The following WASHC3 variants were observed in gnomAD, a reference collection of about 807,000 sequenced individuals.
The protein encoded by WASHC3 is WASH complex subunit CCDC53.
A neutral mutation model predicts 26.1 loss-of-function variants in WASHC3; 24 were observed. That is an observed-to-expected ratio of 0.92 (90% confidence interval 0.66 to 1.29). WASHC3 has a LOEUF of 1.29. Among genes scored for constraint, WASHC3 ranks in the 50% most tolerant of loss-of-function variants. The pLI is 0.00. For synonymous variants in WASHC3, 77 were observed against 75.7 expected, an observed-to-expected ratio of 1.02 and a Z score of -0.09; for missense variants, 214 against 229.6, an observed-to-expected ratio of 0.93 and a Z score of 0.44.
At chr12:102,050,849 T>C (rs554007747) in intron 2 of WASHC3, among the ~76,000 whole-genome samples, 8 of 152,182 alleles carry the variant, frequency 5.3e-5, no homozygotes, top group Non-Finnish European at 1.2e-4. Context: ...GACCATAAGA[T>C]TTTGCTGACT....
At chr12:102,015,345 T>C (rs1045710288) in intron 6 of WASHC3, among the ~76,000 whole-genome samples, 1 of 152,152 alleles carries the variant, frequency 6.6e-6, no homozygotes, top group African/African-American at 2.4e-5. Context: ...ACTGAAACTA[T>C]AAAATTCATT....
chr12:102,021,637 C>A (rs1876962770), intron 6 of WASHC3, among the ~76,000 whole-genome samples: 1 of 152,178 alleles, frequency 6.6e-6, no homozygotes, highest in South Asian at 2.1e-4. Flanking sequence ...GAACCTAGCT[C>A]AGCAAAAACT....
At chr12:102,057,486 G>A (rs73184002) in intron 2 of WASHC3, among the ~76,000 whole-genome samples, 26 of 152,136 alleles carry the variant, frequency 1.7e-4, no homozygotes, top group South Asian at 6.2e-4. Flanking sequence ...GTTTCTGTTC[G>A]CAGATGGCAT....
chr12:102,046,083 C>A lies in WASHC3; in HGVS notation c.187G>T (p.Glu63Ter), dbSNP rs1206810172. 1 of 1,597,024 alleles carries A rather than the reference C, an allele frequency of 6.3e-7. No individual in the cohort carries two copies. The highest frequency in any genetic ancestry group is 1.1e-5 in the South Asian group (1 of 88,566). Residue 63 changes from glutamate (E) to a stop codon, truncating the protein, a stop_gained, in exon 3 of 7, where the codon GAA becomes TAA. Transcript: ENST00000240079. LOFTEE classifies it high-confidence loss of function. ...ADLSLRIQQI[E>*]TTLNILDAKL... ...GCATCTAAAATATTGAGAGTTGTTTCAATTTGTTGGATACGAAGTGAAAGG... is the reference window on the plus strand; with the variant it reads ...GCATCTAAAATATTGAGAGTTGTTTAAATTTGTTGGATACGAAGTGAAAGG...
At chr12:102,025,098 C>T (rs1877119198) in intron 6 of WASHC3, among the ~76,000 whole-genome samples, 2 of 152,088 alleles carry the variant, frequency 1.3e-5, no homozygotes, top group African/African-American at 2.4e-5. Context: ...TAATGTTTTA[C>T]CTCCAAAGTG....
At chr12:102,045,116 C>A (rs1018729567) in intron 3 of WASHC3, among the ~76,000 whole-genome samples, 6 of 150,884 alleles carry the variant, frequency 4.0e-5, no homozygotes, top group African/African-American at 4.9e-5. Flanking sequence ...AAAAAAAAAA[C>A]CAATGGTAAT....
intron 5 of WASHC3, among the ~76,000 whole-genome samples, chr12:102,035,980 TAATAAA>T (rs1426316560): frequency 2.0e-5 from 3 of 152,130 alleles, no homozygotes; most frequent in Non-Finnish European, 4.4e-5. Context: ...GGACATGCAA[TAATAAA>T]GAGAAAGAGA....
chr12:102,058,084 C>T lies in WASHC3; in HGVS notation c.150+3164G>A, dbSNP rs1878664612. On this transcript the variant is annotated intron_variant, in intron 2 of 6. Transcript: ENST00000240079. The stretch of plus-strand genomic sequence containing the variant: ...TAAAGAGCCCAGAAATAAATCCATG[C>T]ATTTAAAGTCAATTGATTTTTGAGA... Among the ~76,000 whole-genome samples the T allele has an allele frequency of 2.0e-5, 3 of 152,136 alleles. No homozygotes were observed. The South Asian group carries it at 6.2e-4, about 32-fold the overall frequency.
intron 6 of WASHC3, among the ~76,000 whole-genome samples, chr12:102,020,392 T>C (rs1011890922): frequency 6.6e-6 from 1 of 152,176 alleles, no homozygotes; most frequent in Non-Finnish European, 1.5e-5. Context: ...ATAACTTCCC[T>C]TCTTATATAA....
In WASHC3 at chr12:102,039,870, C is replaced by T. The variant is rs2136666927; in HGVS notation, c.433G>A (p.Val145Met). ...GAAGACAGACCAAGTTAGCTTACCA[C>T]TTGAACCATTTTGAGATATCTGGCA... is the stretch of plus-strand genomic sequence containing the variant. ...RYARYLKMVQ[V>M]GVPVMAIRNK... is the part of the protein sequence containing the mutation. The change falls in exon 5 of 7, where the codon GTG becomes ATG. Residue 145 changes from valine to methionine, a missense_variant and splice_region_variant. Coordinates refer to ENST00000240079, the MANE Select transcript of WASHC3 (RefSeq NM_016053.4). 2 of 1,502,516 alleles carry T rather than the reference C, an allele frequency of 1.3e-6. No individual in the cohort carries two copies. Among genetic ancestry groups the T allele is most frequent in the Admixed American group, 3.3e-5 (2 of 59,830 alleles). 93.1% of individuals were successfully genotyped at this position (1,502,516 alleles called of 1,614,324 possible).
At chr12:102,026,072 A>C (rs1451652950) in intron 5 of WASHC3, 34 bp from the exon 6 acceptor site, 1 of 1,234,426 alleles carries the variant, frequency 8.1e-7, no homozygotes, top group African/African-American at 1.5e-5. Flanking sequence ...TTCATCATTA[A>C]AAATGTCTCC....
chr12:102,037,233 C>CTAT (rs1282672567), intron 5 of WASHC3, among the ~76,000 whole-genome samples: 1 of 152,014 alleles, frequency 6.6e-6, no homozygotes, highest in African/African-American at 2.4e-5. Context: ...ATTCACAGGA[C>CTAT]TATGTACAAG....
intron 6 of WASHC3, chr12:102,017,581 G>T (rs879738298): frequency 2.5e-5 from 5 of 199,230 alleles, no homozygotes; most frequent in Non-Finnish European, 3.1e-5. Context: ...TCATTTGTTA[G>T]TTAGAGTGTA....
chr12:102,048,791 G>T (rs1379413455), intron 2 of WASHC3, among the ~76,000 whole-genome samples: 1 of 151,990 alleles, frequency 6.6e-6, no homozygotes, highest in East Asian at 1.9e-4. Context: ...TATATAACTG[G>T]TTTCTTTTGT....
intron 2 of WASHC3, among the ~76,000 whole-genome samples, chr12:102,060,920 A>T (rs1188658164): frequency 7.1e-6 from 1 of 140,192 alleles, no homozygotes; most frequent in Admixed American, 7.6e-5. Context: ...GCGCCACTGC[A>T]CTGTAGCTTG....
intron 1 of WASHC3, 47 bp from the exon 2 acceptor site, chr12:102,061,393 C>A (rs1878806128): frequency 8.2e-7 from 1 of 1,218,926 alleles, no homozygotes; most frequent in Admixed American, 1.8e-5. Flanking sequence ...GGAACGTACA[C>A]AGTGCAAATC....
chr12:102,026,037 C>A lies in WASHC3; in HGVS notation c.437G>T (p.Gly146Val). The A allele has an allele frequency of 6.5e-7, 1 of 1,527,242 alleles. No individual in the cohort carries two copies. Among genetic ancestry groups the A allele is most frequent in the Non-Finnish European group, 8.9e-7 (1 of 1,121,540 alleles). 94.6% of individuals were successfully genotyped at this position (1,527,242 alleles called of 1,614,324 possible). ...YARYLKMVQV[G>V]VPVMAIRNKM... Reference sequence around the variant, plus strand: ...GTTTCTTATTGCCATCACTGGTACACCCTAAGCAAAGGATATAAGATAATT... The same window carrying A: ...GTTTCTTATTGCCATCACTGGTACAACCTAAGCAAAGGATATAAGATAATT... Residue 146 changes from glycine (G) to valine (V), a missense_variant and splice_region_variant, in exon 6 of 7, where the codon GGT becomes GTT. Transcript: ENST00000240079.
chr12:102,061,162 G>T, intron 2 of WASHC3, 86 bp downstream of exon 2: 2 of 856,972 alleles, frequency 2.3e-6, no homozygotes, highest in South Asian at 2.9e-5. Context: ...AATAAAGACT[G>T]TAATTCTTGT....
chr12:102,023,433 C>G (rs117815361), intron 6 of WASHC3, among the ~76,000 whole-genome samples: 116 of 152,226 alleles, frequency 7.6e-4, no homozygotes, highest in Non-Finnish European at 1.3e-3. Flanking sequence ...AAAAAGAACA[C>G]AGAACAATCT....
Sources: gnomAD v4.1 joint callset for allele counts (sites outside exome capture counted in the v4.1 genomes callset) on GRCh38, gnomAD v4.1.1 for gene constraint, MANE v1.5 for transcripts, NCBI Gene and HGNC (gene_info 2026-07-23, HGNC 2026-07-21) for gene names.